Variants in LRCH1 observed in about 807,000 individuals in gnomAD.
LRCH1 encodes leucine-rich repeat and calponin homology domain-containing protein 1.
In LRCH1, 23 loss-of-function variants were observed where a neutral mutation model predicts 94.9. The ratio of observed to expected loss-of-function variants is 0.24; its 90% CI spans 0.17 to 0.34. The LOEUF (loss-of-function observed/expected upper bound fraction) is 0.34. Among genes scored for constraint, LRCH1 ranks in the 10% least tolerant of loss-of-function variants. The pLI is 1.00. For synonymous variants in LRCH1, 364 were observed against 354.9 expected, an observed-to-expected ratio of 1.03 and a Z score of -0.29; for missense variants, 790 against 945.9, an observed-to-expected ratio of 0.84 and a Z score of 2.16.
chr13:46,578,852 G>T (rs907311024), intron 1 of LRCH1, among the ~76,000 whole-genome samples: 4 of 152,284 alleles, frequency 2.6e-5, no homozygotes, highest in African/African-American at 9.6e-5. Context: ...TGCCAGAAAG[G>T]ACAGGGAAGC....
chr13:46,738,322 T>C (rs1873489030), intron 19 of LRCH1, among the ~76,000 whole-genome samples: 1 of 152,234 alleles, frequency 6.6e-6, no homozygotes, highest in African/African-American at 2.4e-5. Flanking sequence ...AATAAAACCC[T>C]AAAGTACATT....
At chr13:46,567,724 A>G (rs2050200277) in intron 1 of LRCH1, among the ~76,000 whole-genome samples, 1 of 152,120 alleles carries the variant, frequency 6.6e-6, no homozygotes, top group African/African-American at 2.4e-5. Flanking sequence ...CCTAAATCTG[A>G]TATATTTTAT....
At chr13:46,648,137 G>A (rs925282584) in intron 1 of LRCH1, among the ~76,000 whole-genome samples, 12 of 152,164 alleles carry the variant, frequency 7.9e-5, no homozygotes, top group African/African-American at 1.9e-4. Context: ...TGAGGGGGAT[G>A]GGAGACAGTG....
chr13:46,717,175 G>C (rs1872364817), intron 16 of LRCH1, among the ~76,000 whole-genome samples: 2 of 152,124 alleles, frequency 1.3e-5, no homozygotes, highest in South Asian at 4.1e-4. Flanking sequence ...CACACTGTGG[G>C]GTTGAGGTGG....
At chr13:46,592,635 A>C (rs1368539474) in intron 1 of LRCH1, among the ~76,000 whole-genome samples, 1 of 152,216 alleles carries the variant, frequency 6.6e-6, no homozygotes, top group African/African-American at 2.4e-5. Context: ...GCACTTAAAA[A>C]GTATGTTTTA....
Position 46,699,333 on chromosome 13 carries a change from C to T in LRCH1, c.1246-3C>T, listed in dbSNP as rs368138477. ...TCAGGAACCCTGTGTGTTTTGTCCA[C>T]AGGCAAGGGCAGAAGACTGTGAAGA... is the stretch of plus-strand genomic sequence containing the variant. On this transcript the variant is annotated splice_polypyrimidine_tract_variant and splice_region_variant and intron_variant, in intron 9 of 19. Coordinates refer to ENST00000389797, the MANE Select transcript of LRCH1 (RefSeq NM_001164211.2). 2.0e-5 allele frequency: 33 copies of T among 1,613,404 alleles called. No individual in the cohort carries two copies. The highest frequency in any genetic ancestry group is 2.5e-5 in the Non-Finnish European group (30 of 1,179,520).
At chr13:46,662,172 G>T (rs1251643421) in intron 2 of LRCH1, among the ~76,000 whole-genome samples, 3 of 152,172 alleles carry the variant, frequency 2.0e-5, no homozygotes, top group East Asian at 1.9e-4. Context: ...GTATGGAAGA[G>T]AAGCAAAGTA....
At chr13:46,715,535 G>C (rs1378896468) in intron 15 of LRCH1, 25 bp from the exon 16 acceptor site, 1 of 1,393,832 alleles carries the variant, frequency 7.2e-7, no homozygotes, top group South Asian at 1.2e-5. Flanking sequence ...ACTGTACGCG[G>C]ACTGGCTCTC....
intron 4 of LRCH1, among the ~76,000 whole-genome samples, chr13:46,682,953 T>G (rs1302269966): frequency 6.6e-6 from 1 of 152,254 alleles, no homozygotes; most frequent in East Asian, 1.9e-4. Flanking sequence ...GGTTTGGACC[T>G]GGATCAGGAA....
chr13:46,602,567 GAT>G (rs1468429818), intron 1 of LRCH1, among the ~76,000 whole-genome samples: 6 of 152,194 alleles, frequency 3.9e-5, no homozygotes, highest in Non-Finnish European at 8.8e-5. Context: ...GCTTGACTGA[GAT>G]AAATTTATGC....
chr13:46,708,774 A>G (rs750064990), intron 13 of LRCH1, among the ~76,000 whole-genome samples: 2 of 152,172 alleles, frequency 1.3e-5, no homozygotes, highest in Non-Finnish European at 2.9e-5. Context: ...GGTGAACTCT[A>G]TCTTTGCAGT....
intron 13 of LRCH1, among the ~76,000 whole-genome samples, chr13:46,711,352 A>G (rs958886078): frequency 6.6e-6 from 1 of 152,094 alleles, no homozygotes; most frequent in African/African-American, 2.4e-5. Flanking sequence ...ACAACATGAG[A>G]TTTGCCCAGT....
chr13:46,579,328 G>C (rs967414499), intron 1 of LRCH1, among the ~76,000 whole-genome samples: 5 of 152,158 alleles, frequency 3.3e-5, no homozygotes, highest in African/African-American at 1.2e-4. Context: ...TCTTCAGAGA[G>C]ATATTAGTCG....
chr13:46,741,786 G>A lies in LRCH1; in HGVS notation c.2230G>A (p.Val744Ile). The part of the protein sequence containing the change: ...RSRDLIGFCL[V>I]HILFIVLVYI... ...CAGGGACCTTATAGGCTTCTGTCTT[G>A]TCCATATTCTCTTTATAGTGCTGGT... The change falls in exon 20 of 20, where the codon GTC (valine) becomes ATC (isoleucine). Residue 744 changes from valine (V) to isoleucine (I), a missense_variant. Transcript: ENST00000389797. 2 of 1,614,134 alleles carry A rather than the reference G, an allele frequency of 1.2e-6. No individual in the cohort carries two copies. Among genetic ancestry groups the A allele is most frequent in the South Asian group, 2.2e-5 (2 of 91,076 alleles).
intron 16 of LRCH1, among the ~76,000 whole-genome samples, 159 bp downstream of exon 16, chr13:46,715,823 C>T (rs9526223): frequency 0.33 from 49,809 of 151,936 alleles, 8,372 homozygotes; most frequent in South Asian, 0.38. Flanking sequence ...GAAAAGTGCA[C>T]GTGGATTGTT....
Position 46,692,528 on chromosome 13 carries a change from CT to C in LRCH1, c.1015-3del. 1 of 1,604,134 alleles carries C rather than the reference CT, an allele frequency of 6.2e-7. No homozygotes were observed. On this transcript the variant is annotated splice_polypyrimidine_tract_variant and splice_region_variant and intron_variant, in intron 7 of 19. Coordinates refer to ENST00000389797, the MANE Select transcript of LRCH1 (RefSeq NM_001164211.2). ...TCTTGAGTTAAACAGTGCACTGTAT[CT>C]TTTTAGCCTTCTGACGAAGACACTG...
chr13:46,619,756 T>G (rs554974970), intron 1 of LRCH1, among the ~76,000 whole-genome samples: 134 of 150,900 alleles, frequency 8.9e-4, no homozygotes, highest in African/African-American at 3.2e-3. Flanking sequence ...TTGTGGTGGT[T>G]GTTGTTGTTT....
chr13:46,684,843 T>G (rs1430117581), intron 4 of LRCH1, among the ~76,000 whole-genome samples: 2 of 152,184 alleles, frequency 1.3e-5, no homozygotes, highest in African/African-American at 2.4e-5. Flanking sequence ...CAGAGTGCCT[T>G]GAATTCTGAG....
At chr13:46,697,563 C>T (rs1871260827) in intron 9 of LRCH1, among the ~76,000 whole-genome samples, 1 of 152,170 alleles carries the variant, frequency 6.6e-6, no homozygotes. Flanking sequence ...AAAAACACAA[C>T]AGTGTGAAAA....
Sources: allele counts gnomAD v4.1 joint callset (sites outside exome capture counted in the v4.1 genomes callset), GRCh38; gene constraint gnomAD v4.1.1; transcripts MANE v1.5; gene names NCBI Gene and HGNC (gene_info 2026-07-23, HGNC 2026-07-21).